ADRA1B: variants seen among roughly 807,000 people sequenced by gnomAD.
ADRA1B encodes alpha-1B adrenergic receptor.
Under a neutral mutation model 17.9 loss-of-function variants are expected in ADRA1B, and 17 were observed. That is an observed-to-expected ratio of 0.95 (90% CI 0.65 to 1.42). The LOEUF (loss-of-function observed/expected upper bound fraction) is 1.42, where lower values mean the gene tolerates loss of function less well. ADRA1B is among the 40% of genes most tolerant of loss of function. ADRA1B has a pLI of 0.00. For synonymous variants in ADRA1B, 366 were observed against 327.6 expected, an observed-to-expected ratio of 1.12 and a Z score of -1.27; for missense variants, 681 against 722.1, an observed-to-expected ratio of 0.94 and a Z score of 0.65.
chr5:159,908,360 T>C (rs537550728), intron 1 of ADRA1B, among the ~76,000 whole-genome samples: 1 of 152,328 alleles, frequency 6.6e-6, no homozygotes, highest in East Asian at 1.9e-4. Context: ...TCAAGTCTCA[T>C]GTTGAAATTC....
Position 159,917,466 on chromosome 5 carries a change from G to C in ADRA1B, c.561G>C (p.Pro187=), listed in dbSNP as rs781618796. The change falls in exon 1 of 2, where the codon CCG becomes CCC. Residue 187 remains proline, a synonymous_variant. Coordinates refer to ENST00000306675, the MANE Select transcript of ADRA1B (RefSeq NM_000679.4). The part of the protein sequence containing the change: ...SIGPLLGWKE[P]APNDDKECGV... ...GGCCTCTCCTTGGGTGGAAGGAGCC[G>C]GCACCCAACGATGACAAGGAGTGCG... is the stretch of plus-strand genomic sequence containing the variant. 1 of 1,614,072 alleles carries C rather than the reference G, an allele frequency of 6.2e-7. No individual in the cohort carries two copies.
Position 159,951,358 on chromosome 5 carries a change from C to G in ADRA1B, c.950-20521C>G, listed in dbSNP as rs187914095. ...AATTTGCCATGGGTGGAATCATACT[C>G]GAACATGTAAACCATGTAGTTGAGG... On this transcript the variant is annotated intron_variant, in intron 1 of 1. Transcript: ENST00000306675. The G allele has an allele frequency of 4.6e-6, 5 of 1,080,456 alleles. No homozygotes were observed. The Admixed American group carries it at 5.1e-5, about 11-fold the overall frequency. The allele number at this position is 1,080,456 out of a possible 1,614,324, so 66.9% of individuals were successfully genotyped here. A position where few individuals can be genotyped will look rare whatever the true frequency, so the allele number is the denominator to read the frequency against.
chr5:159,889,494 G>T (rs1753959686), intron 1 of ADRA1B, among the ~76,000 whole-genome samples: 1 of 152,132 alleles, frequency 6.6e-6, no homozygotes, highest in African/African-American at 2.4e-5. Context: ...TCCCTGACTT[G>T]CCAGTTTCCC....
chr5:159,956,288 C>T (rs1755549657), intron 1 of ADRA1B, among the ~76,000 whole-genome samples: 1 of 152,106 alleles, frequency 6.6e-6, no homozygotes, highest in Non-Finnish European at 1.5e-5. Flanking sequence ...ATTTTAAATA[C>T]AAAGTGAAAA....
chr5:159,936,957 T>C (rs1284687636), intron 1 of ADRA1B, among the ~76,000 whole-genome samples: 1 of 151,846 alleles, frequency 6.6e-6, no homozygotes, highest in African/African-American at 2.4e-5. Flanking sequence ...TCAAGTGGGG[T>C]CCTCAGCGCA....
At chr5:159,872,973 T>C (rs1373357997) in intron 1 of ADRA1B, among the ~76,000 whole-genome samples, 2 of 144,596 alleles carry the variant, frequency 1.4e-5, no homozygotes, top group African/African-American at 5.0e-5. Flanking sequence ...CCCCTCCCTA[T>C]GTCCATGTGT....
At position 159,950,426 on chromosome 5, in the gene ADRA1B, G is replaced by A. The variant is rs75522659; in HGVS notation, c.950-21453G>A. On this transcript the variant is annotated intron_variant, in intron 1 of 1. Transcript: ENST00000306675. ...GTCATGGGGGACTGTGTGTGGCAGG[G>A]ACTCCCCATCAGTGAGGGCTTCTCG... 2.9e-3 allele frequency: 2,247 copies of A among 780,258 alleles called. 34 individuals carry two copies. In the African/African-American group the frequency reaches 0.033, roughly 12 times the overall value. The allele number at this position is 780,258 out of a possible 1,614,324, so 48.3% of individuals were successfully genotyped here. A position where few individuals can be genotyped will look rare whatever the true frequency, so the allele number is the denominator to read the frequency against.
chr5:159,869,959 G>T (rs960642837), intron 1 of ADRA1B: 1 of 152,162 alleles, frequency 6.6e-6, no homozygotes, highest in Admixed American at 6.5e-5. Context: ...CAGGCACTGG[G>T]CTAGACACTG....
intron 1 of ADRA1B, among the ~76,000 whole-genome samples, chr5:159,881,969 C>T (rs1753868297): frequency 6.6e-6 from 1 of 152,204 alleles, no homozygotes; most frequent in South Asian, 2.1e-4. Context: ...GGACATTGCA[C>T]TGGACCTATT....
intron 1 of ADRA1B, among the ~76,000 whole-genome samples, chr5:159,903,841 G>C (rs1285204884): frequency 1.3e-5 from 2 of 152,074 alleles, no homozygotes; most frequent in African/African-American, 2.4e-5. Context: ...GAGCTGGAGG[G>C]GAGGGTCCGC....
chr5:159,901,615 G>A (rs1342923757), intron 1 of ADRA1B, among the ~76,000 whole-genome samples: 1 of 152,142 alleles, frequency 6.6e-6, no homozygotes, highest in Non-Finnish European at 1.5e-5. Flanking sequence ...GGGGCTTCTT[G>A]TTCATCTCAG....
intron 1 of ADRA1B, among the ~76,000 whole-genome samples, chr5:159,866,415 C>T (rs568921358): frequency 1.4e-4 from 21 of 151,918 alleles, no homozygotes; most frequent in South Asian, 1.2e-3. Flanking sequence ...AGTGAAACCC[C>T]GTCTCCACTA....
At chr5:159,985,871 C>T in the ADRA1B span, among the ~76,000 whole-genome samples, 1 of 152,192 alleles carries the variant, frequency 6.6e-6, no homozygotes, top group Non-Finnish European at 1.5e-5. Flanking sequence ...GAAGAGAGTT[C>T]CGTCTAGCCC....
At chr5:159,896,942 G>A (rs1754046718) in intron 1 of ADRA1B, among the ~76,000 whole-genome samples, 2 of 152,114 alleles carry the variant, frequency 1.3e-5, no homozygotes, top group South Asian at 4.2e-4. Flanking sequence ...TTCTGCCCAG[G>A]TCTCAAATAA....
chr5:159,932,177 G>A lies in ADRA1B; in HGVS notation c.949+14323G>A, dbSNP rs191602466. Among the ~76,000 whole-genome samples the A allele has an allele frequency of 2.2e-4, 34 of 151,308 alleles. No individual in the cohort carries two copies. The East Asian group carries it at 2.9e-3, about 13-fold the overall frequency. On this transcript the variant is annotated intron_variant, in intron 1 of 1. Transcript: ENST00000306675. ...TCTTTTCTTTTTTGTTTTTAAAGAC[G>A]GAGTATCACTCTGTCACCCAGGCTG...
chr5:159,923,323 G>A (rs1224876366), intron 1 of ADRA1B, among the ~76,000 whole-genome samples: 3 of 152,276 alleles, frequency 2.0e-5, no homozygotes, highest in African/African-American at 7.2e-5. Context: ...TGCAGCCACT[G>A]TGTGGAGCAT....
chr5:159,877,595 A>C (rs538291317), intron 1 of ADRA1B, among the ~76,000 whole-genome samples: 12 of 152,300 alleles, frequency 7.9e-5, no homozygotes, highest in Non-Finnish European at 1.6e-4. Context: ...CACAAAAATC[A>C]TTAAATCACA....
chr5:159,979,405 T>C, the ADRA1B span, among the ~76,000 whole-genome samples: 1 of 152,236 alleles, frequency 6.6e-6, no homozygotes, highest in African/African-American at 2.4e-5. Flanking sequence ...ACACTTGGGA[T>C]GTAGCATGTT....
At chr5:159,944,895 A>G (rs564538071) in intron 1 of ADRA1B, among the ~76,000 whole-genome samples, 2 of 152,164 alleles carry the variant, frequency 1.3e-5, no homozygotes, top group Non-Finnish European at 2.9e-5. Context: ...CACTGCCTCC[A>G]TGAAGCTTAC....
Sources: gnomAD v4.1 joint callset for allele counts (sites outside exome capture counted in the v4.1 genomes callset) on GRCh38, gnomAD v4.1.1 for gene constraint, MANE v1.5 for transcripts, NCBI Gene and HGNC (gene_info 2026-07-23, HGNC 2026-07-21) for gene names.